Variants in DMXL1 observed in about 807,000 individuals in gnomAD.
The protein encoded by DMXL1 is dmX-like protein 1.
Under a neutral mutation model 319.2 loss-of-function variants are expected in DMXL1, and 99 were observed. The observed-to-expected ratio is 0.31, with a 90% confidence interval of 0.26 to 0.37. DMXL1 has a LOEUF of 0.37. DMXL1 is among the 10% of genes least tolerant of loss of function. The pLI is 1.00. For missense variants in DMXL1, 3,745 were observed against 3,595.6 expected, an observed-to-expected ratio of 1.04 and a Z score of -1.06; for synonymous variants, 1,385 against 1,235.2, an observed-to-expected ratio of 1.12 and a Z score of -2.54.
At position 119,165,067 on chromosome 5, in the gene DMXL1, C is replaced by T. The variant is rs1773134193; in HGVS notation, c.4873-116C>T. ...TATACATGCACATATTATTCATATA[C>T]ATATTTTTAAAATTTTATTAAACAT... On this transcript the variant is annotated intron_variant, in intron 20 of 43. Coordinates refer to ENST00000539542, the MANE Select transcript of DMXL1 (RefSeq NM_001290321.3). 9.3e-6 allele frequency: 6 copies of T among 645,810 alleles called. No homozygotes were observed. In the East Asian group the frequency reaches 1.7e-4, roughly 18 times the overall value. 40.0% of individuals were successfully genotyped at this position (645,810 alleles called of 1,614,324 possible).
chr5:119,076,858 G>A (rs983736260), intron 1 of DMXL1, among the ~76,000 whole-genome samples: 1 of 152,130 alleles, frequency 6.6e-6, no homozygotes, highest in African/African-American at 2.4e-5. Context: ...ATGCTTGATA[G>A]CACACATGTG....
At chr5:119,176,379 AC>A in intron 26 of DMXL1, among the ~76,000 whole-genome samples, 1 of 151,972 alleles carries the variant, frequency 6.6e-6, no homozygotes, top group East Asian at 1.9e-4. Flanking sequence ...GGGTAGCCTT[AC>A]TTACCACTCT....
At chr5:119,104,562 C>T (rs1361935095) in intron 3 of DMXL1, among the ~76,000 whole-genome samples, 1 of 151,982 alleles carries the variant, frequency 6.6e-6, no homozygotes. Flanking sequence ...AGGCCACAAC[C>T]CGAATTTAAA....
intron 1 of DMXL1, among the ~76,000 whole-genome samples, chr5:119,083,397 A>G (rs545138293): frequency 1.3e-5 from 2 of 152,048 alleles, no homozygotes; most frequent in Non-Finnish European, 2.9e-5. Context: ...ACTGATGGGC[A>G]CTCAGGTTGA....
chr5:119,221,216 A>G, intron 37 of DMXL1, 135 bp downstream of exon 37: 1 of 570,666 alleles, frequency 1.8e-6, no homozygotes, highest in East Asian at 2.9e-5. Context: ...GGAAATTGTA[A>G]ATTTTGATAA....
chr5:119,128,005 T>G, intron 9 of DMXL1: 1 of 409,016 alleles, frequency 2.4e-6, no homozygotes, highest in African/African-American at 2.1e-5. Flanking sequence ...TTATGAGGCA[T>G]CTGACATCTG....
chr5:119,137,821 T>C (rs1372246606), intron 13 of DMXL1, among the ~76,000 whole-genome samples: 1 of 152,200 alleles, frequency 6.6e-6, no homozygotes, highest in African/African-American at 2.4e-5. Context: ...TATTTATTTA[T>C]AGCAGTATGA....
At chr5:119,244,337 T>C in intron 42 of DMXL1, 22 bp from the exon 43 acceptor site, 1 of 1,576,796 alleles carries the variant, frequency 6.3e-7, no homozygotes, top group Non-Finnish European at 8.6e-7. Flanking sequence ...GTGTTTTTGT[T>C]TTTTTTTTAA....
Position 119,170,968 on chromosome 5 carries a change from A to G in DMXL1, c.6177A>G (p.Leu2059=), listed in dbSNP as rs1581138750. ...ATGGTGGAAAATTGCGTTACCAACT[A>G]TACCACTGGCTTGAAAAAGAGGTGA... ...EIDGGKLRYQ[L]YHWLEKEVIA... Residue 2059 remains leucine (L), a synonymous_variant, in exon 24 of 44, where the codon CTA becomes CTG. Transcript: ENST00000539542. 2.5e-6 allele frequency: 4 copies of G among 1,613,806 alleles called. No homozygotes were observed. Among genetic ancestry groups the G allele is most frequent in the Non-Finnish European group, 3.4e-6 (4 of 1,179,910 alleles).
At chr5:119,117,815 CA>C (rs1430399254) in intron 7 of DMXL1, among the ~76,000 whole-genome samples, 2 of 152,198 alleles carry the variant, frequency 1.3e-5, no homozygotes, top group African/African-American at 4.8e-5. Context: ...TTCTGTTCTG[CA>C]ACTTCTTTTT....
At chr5:119,241,510 G>A (rs1788795271) in intron 42 of DMXL1, among the ~76,000 whole-genome samples, 1 of 149,766 alleles carries the variant, frequency 6.7e-6, no homozygotes, top group Non-Finnish European at 1.5e-5. Flanking sequence ...TCTCCAGCCT[G>A]GGCGACAGAG....
In DMXL1 at chr5:119,170,504, TCTC is replaced by T. The variant is rs765243696; in HGVS notation, c.5716_5718del (p.Pro1906del). ...TTTTCTGGATACTAGTAAAGACTGT[TCTC>T]CTTCTTCTCCATTAAAGTTGGATGC... On this transcript the variant is annotated inframe_deletion, in exon 24 of 44. Coordinates refer to ENST00000539542, the MANE Select transcript of DMXL1 (RefSeq NM_001290321.3). 7.6e-5 allele frequency: 122 copies of T among 1,613,714 alleles called. 1 individual carries two copies. Among genetic ancestry groups the T allele is most frequent in the South Asian group, 1.4e-4 (13 of 91,048 alleles).
intron 15 of DMXL1, among the ~76,000 whole-genome samples, chr5:119,146,363 A>G (rs1051808483): frequency 6.6e-6 from 1 of 151,944 alleles, no homozygotes; most frequent in Non-Finnish European, 1.5e-5. Context: ...TGTTTATGCA[A>G]TTTGGGAGAA....
At position 119,178,725 on chromosome 5, in the gene DMXL1, C is replaced by G. The variant is rs1299851250; in HGVS notation, c.7135+481C>G. The G allele has an allele frequency of 4.4e-6, 4 of 903,496 alleles. No homozygotes were observed. In the South Asian group the frequency reaches 2.0e-4, roughly 46 times the overall value. The allele number at this position is 903,496 out of a possible 1,614,324, so 56.0% of individuals were successfully genotyped here. ...GCTTTAGAAATAGGCTTTTATCATTCAGCTTGCTTTGTGTTGTTTTGAGGG... is the reference window on the plus strand; with the variant it reads ...GCTTTAGAAATAGGCTTTTATCATTGAGCTTGCTTTGTGTTGTTTTGAGGG... On this transcript the variant is annotated intron_variant, in intron 28 of 43. Transcript: ENST00000539542.
chr5:119,107,156 G>A (rs1758535391), intron 4 of DMXL1, among the ~76,000 whole-genome samples: 1 of 151,932 alleles, frequency 6.6e-6, no homozygotes, highest in African/African-American at 2.4e-5. Context: ...GGGCAACATA[G>A]GGAGACTCCA....
chr5:119,129,267 A>T lies in DMXL1; in HGVS notation c.1159A>T (p.Thr387Ser), dbSNP rs758355218. ...SLSLNENEEK[T>S]GPFVVHWLNN... is the part of the protein sequence containing the mutation. Reference sequence around the variant, plus strand: ...GAGTCTAAATGAAAATGAAGAGAAGACCGGACCTTTTGTTGTACACTGGCT... The same window carrying T: ...GAGTCTAAATGAAAATGAAGAGAAGTCCGGACCTTTTGTTGTACACTGGCT... The change falls in exon 10 of 44, where the codon ACC becomes TCC. Residue 387 changes from threonine to serine, a missense_variant. Physicochemically the swap from Thr to Ser is moderately conservative, Grantham distance 58 (BLOSUM62 1). Around this residue, in one of 4 missense-constraint regions of DMXL1, gnomAD observed 2,096 missense variants for 1,985.4 expected, o/e 1.06. Transcript: ENST00000539542. The T allele has an allele frequency of 3.7e-6, 6 of 1,613,716 alleles. No individual in the cohort carries two copies. The East Asian group carries it at 1.1e-4, about 30-fold the overall frequency.
chr5:119,106,343 C>G (rs900944553), intron 4 of DMXL1, among the ~76,000 whole-genome samples: 7 of 152,096 alleles, frequency 4.6e-5, no homozygotes, highest in Non-Finnish European at 8.8e-5. Context: ...GACATAGACT[C>G]CCCCTCTTGA....
intron 1 of DMXL1, among the ~76,000 whole-genome samples, chr5:119,085,148 G>A (rs1327728896): frequency 6.6e-6 from 1 of 151,832 alleles, no homozygotes; most frequent in South Asian, 2.1e-4. Flanking sequence ...AGCCAGCATG[G>A]TGAAACCCCG....
intron 32 of DMXL1, among the ~76,000 whole-genome samples, chr5:119,201,854 A>G (rs560866137): frequency 3.9e-5 from 6 of 152,292 alleles, no homozygotes; most frequent in African/African-American, 1.4e-4. Context: ...GTCTGTGTGC[A>G]TAGAGGTGTC....
Sources: gnomAD v4.1 joint callset for allele counts (sites outside exome capture counted in the v4.1 genomes callset) on GRCh38, gnomAD v4.1.1 for gene constraint, gnomAD v4.1.1 regional missense constraint, MANE v1.5 for transcripts, NCBI Gene and HGNC (gene_info 2026-07-23, HGNC 2026-07-21) for gene names.